Variants in KSR2 observed in about 807,000 individuals in gnomAD.
KSR2 encodes the protein kinase suppressor of ras 2.
A neutral mutation model predicts 107.8 loss-of-function variants in KSR2; 25 were observed. The ratio of observed to expected loss-of-function variants is 0.23; its 90% CI spans 0.17 to 0.32. KSR2 has a LOEUF of 0.32. Among genes scored for constraint, KSR2 ranks in the 10% least tolerant of loss-of-function variants. The pLI is 1.00. For missense variants in KSR2, 887 were observed against 1,268.9 expected, an observed-to-expected ratio of 0.70 and a Z score of 4.57; for synonymous variants, 480 against 507.0, an observed-to-expected ratio of 0.95 and a Z score of 0.71.
At chr12:117,635,833 C>G (rs1349654024) in intron 5 of KSR2, among the ~76,000 whole-genome samples, 2 of 149,536 alleles carry the variant, frequency 1.3e-5, no homozygotes, top group Non-Finnish European at 3.0e-5. Flanking sequence ...GCTCTGTCAC[C>G]CAGCCTAGAG....
chr12:117,900,771 G>A (rs144650373), intron 1 of KSR2, among the ~76,000 whole-genome samples: 206 of 152,224 alleles, frequency 1.4e-3, no homozygotes, highest in Middle Eastern at 3.4e-3. Flanking sequence ...TCACTATAGC[G>A]GCTAGTGCCT....
chr12:117,844,942 C>T (rs976138621), intron 3 of KSR2, among the ~76,000 whole-genome samples: 18 of 152,102 alleles, frequency 1.2e-4, no homozygotes, highest in African/African-American at 2.7e-4. Context: ...GTCAGGAGAT[C>T]GAGACCATCC....
chr12:117,467,238 G>A, intron 19 of KSR2, 33 bp from the exon 20 acceptor site: 1 of 724,304 alleles, frequency 1.4e-6, no homozygotes, highest in East Asian at 2.7e-5. Context: ...AGAGTGGTGA[G>A]AGGTCACAAG....
At chr12:117,707,532 C>T (rs762679237) in intron 4 of KSR2, among the ~76,000 whole-genome samples, 1 of 152,158 alleles carries the variant, frequency 6.6e-6, no homozygotes, top group Non-Finnish European at 1.5e-5. Flanking sequence ...GAGCTACTGC[C>T]TTGGCCTCTC....
At chr12:117,809,690 C>T (rs2137045661) in intron 3 of KSR2, among the ~76,000 whole-genome samples, 2 of 152,338 alleles carry the variant, frequency 1.3e-5, no homozygotes, top group East Asian at 3.9e-4. Context: ...GCTGTCTCCC[C>T]AGCTTGCACG....
chr12:117,940,763 G>A (rs1019246207), intron 1 of KSR2, among the ~76,000 whole-genome samples: 6 of 152,052 alleles, frequency 3.9e-5, no homozygotes, highest in African/African-American at 1.4e-4. Flanking sequence ...AGCATTTTTT[G>A]TTTTGTGTGA....
chr12:117,626,675 T>C (rs1332595014), intron 5 of KSR2, among the ~76,000 whole-genome samples: 4 of 152,226 alleles, frequency 2.6e-5, no homozygotes, highest in Non-Finnish European at 4.4e-5. Flanking sequence ...GAAGAATGTA[T>C]ACTCTGTTGA....
chr12:117,742,465 T>C (rs1199606669), intron 4 of KSR2, among the ~76,000 whole-genome samples: 1 of 152,142 alleles, frequency 6.6e-6, no homozygotes, highest in Non-Finnish European at 1.5e-5. Flanking sequence ...TGTCTGCAAC[T>C]TAATCCCAAA....
rs192937102 is a variant in KSR2 at position 117,869,314 on chromosome 12, G to A, written c.181-8883C>T. ...TTGAACCCAGGAGACGGAGGTTGCA[G>A]TGAACAGAGATCACGCCACTGCACT... On this transcript the variant is annotated intron_variant, in intron 1 of 19. Transcript: ENST00000339824. Among the ~76,000 whole-genome samples, 45 of 147,280 alleles carry A rather than the reference G, an allele frequency of 3.1e-4. No individual in the cohort carries two copies. The East Asian group carries it at 3.1e-3, about 10-fold the overall frequency.
At chr12:117,946,182 GGAA>G (rs1335052891) in intron 1 of KSR2, among the ~76,000 whole-genome samples, 1 of 151,594 alleles carries the variant, frequency 6.6e-6, no homozygotes, top group Non-Finnish European at 1.5e-5. Flanking sequence ...CAACAAAACA[GGAA>G]GAAAAGGGCA....
chr12:117,710,461 C>T (rs1434137884), intron 4 of KSR2, among the ~76,000 whole-genome samples: 2 of 152,252 alleles, frequency 1.3e-5, no homozygotes, highest in Middle Eastern at 3.4e-3. Context: ...GTCTGGGGTA[C>T]TCACACCTCC....
chr12:117,805,422 G>C lies in KSR2; in HGVS notation c.473-43898C>G, dbSNP rs138351505. 1.8e-3 allele frequency among the ~76,000 whole-genome samples: 276 copies of C among 152,312 alleles called. 1 individual carries two copies. Among genetic ancestry groups the C allele is most frequent in the Non-Finnish European group, 3.4e-3 (232 of 68,018 alleles). ...GTCATATAAACGTGGGCAAGTTACT[G>C]CCTGCCTCTGAGCCTCAGTTTCTTC... On this transcript the variant is annotated intron_variant, in intron 3 of 19. Transcript: ENST00000339824.
At chr12:117,812,056 A>G (rs1400639270) in intron 3 of KSR2, among the ~76,000 whole-genome samples, 1 of 152,068 alleles carries the variant, frequency 6.6e-6, no homozygotes, top group African/African-American at 2.4e-5. Context: ...TTTCTTGGAA[A>G]AAAATAAGGT....
At chr12:117,508,650 G>C (rs1210598646) in intron 14 of KSR2, among the ~76,000 whole-genome samples, 6 of 151,976 alleles carry the variant, frequency 3.9e-5, no homozygotes, top group Admixed American at 3.9e-4. Flanking sequence ...GGATGGGTGG[G>C]AAGTGGATAG....
At chr12:117,635,794 C>CTTTTTT (rs780731850) in intron 5 of KSR2, among the ~76,000 whole-genome samples, 2 of 140,700 alleles carry the variant, frequency 1.4e-5, no homozygotes, top group African/African-American at 2.6e-5. Context: ...TGGTATGTTA[C>CTTTTTT]TTTTTTTTTT....
chr12:117,483,254 G>A (rs978365344), intron 16 of KSR2, among the ~76,000 whole-genome samples: 2 of 152,066 alleles, frequency 1.3e-5, no homozygotes. Context: ...TCATCACACA[G>A]AAACAGCTAC....
intron 14 of KSR2, among the ~76,000 whole-genome samples, chr12:117,521,415 C>T (rs1874750129): frequency 6.6e-6 from 1 of 152,186 alleles, no homozygotes; most frequent in Non-Finnish European, 1.5e-5. Flanking sequence ...GACACTTTCA[C>T]TCAACTCTAT....
At chr12:117,791,958 T>C (rs1349070063) in intron 3 of KSR2, among the ~76,000 whole-genome samples, 1 of 152,160 alleles carries the variant, frequency 6.6e-6, no homozygotes, top group Non-Finnish European at 1.5e-5. Flanking sequence ...CCACAATGAG[T>C]GCCCACTGCA....
At chr12:117,481,072 G>GA (rs76762114) in intron 16 of KSR2, among the ~76,000 whole-genome samples, 47 of 150,408 alleles carry the variant, frequency 3.1e-4, no homozygotes, top group Non-Finnish European at 5.5e-4. Flanking sequence ...TCGAAAAAAA[G>GA]AAAAAAAAAG....
Sources: gnomAD v4.1 joint callset for allele counts (sites outside exome capture counted in the v4.1 genomes callset) on GRCh38, gnomAD v4.1.1 for gene constraint, MANE v1.5 for transcripts, NCBI Gene and HGNC (gene_info 2026-07-23, HGNC 2026-07-21) for gene names.